Variants in AHCYL2 observed in about 807,000 individuals in gnomAD.
AHCYL2 encodes adenosylhomocysteinase like 2.
A neutral mutation model predicts 81.4 loss-of-function variants in AHCYL2; 28 were observed. That is an observed-to-expected ratio of 0.34 (90% confidence interval 0.25 to 0.47). AHCYL2 has a LOEUF of 0.47. AHCYL2 is among the 20% of genes least tolerant of loss of function. AHCYL2 has a pLI of 1.00. For missense variants in AHCYL2, 551 were observed against 785.1 expected (o/e 0.70, Z 3.56); for synonymous variants, 272 against 290.2 (o/e 0.94, Z 0.64).
intron 1 of AHCYL2, among the ~76,000 whole-genome samples, chr7:129,319,504 T>G (rs967877703): frequency 1.3e-5 from 2 of 151,842 alleles, no homozygotes; most frequent in Admixed American, 1.3e-4. Flanking sequence ...ATTAGGGGAA[T>G]GCACATAAAA....
chr7:129,234,267 T>C (rs977772090), intron 1 of AHCYL2, among the ~76,000 whole-genome samples: 15 of 151,960 alleles, frequency 9.9e-5, no homozygotes, highest in Non-Finnish European at 1.6e-4. Flanking sequence ...TCCCCCTAGA[T>C]GGAGCCTTAC....
chr7:129,243,624 C>G (rs948163476), intron 1 of AHCYL2, among the ~76,000 whole-genome samples: 1 of 152,038 alleles, frequency 6.6e-6, no homozygotes, highest in East Asian at 1.9e-4. Context: ...CTCTGTCGCC[C>G]AGGCTGGAGT....
chr7:129,309,539 C>G (rs1016140370), intron 1 of AHCYL2, among the ~76,000 whole-genome samples: 2 of 152,056 alleles, frequency 1.3e-5, no homozygotes, highest in Non-Finnish European at 2.9e-5. Flanking sequence ...GACCTTGTCT[C>G]AAAATAAATA....
intron 1 of AHCYL2, among the ~76,000 whole-genome samples, chr7:129,276,748 A>AAAG (rs1554473363): frequency 6.6e-5 from 10 of 151,320 alleles, no homozygotes; most frequent in South Asian, 6.3e-4. Context: ...AAAAAAAAAA[A>AAAG]AAAGAAAAAA....
intron 1 of AHCYL2, among the ~76,000 whole-genome samples, chr7:129,260,007 C>T (rs942196971): frequency 5.4e-5 from 8 of 149,232 alleles, no homozygotes; most frequent in South Asian, 2.1e-4. Flanking sequence ...ACCCAGGAGG[C>T]GAAGGTTGCA....
chr7:129,292,474 AATG>A (rs1280951908), intron 1 of AHCYL2, among the ~76,000 whole-genome samples: 1 of 152,186 alleles, frequency 6.6e-6, no homozygotes, highest in East Asian at 1.9e-4. Context: ...CAAGAATGAA[AATG>A]ATGTTAAGGC....
chr7:129,378,470 A>G (rs553595717), intron 1 of AHCYL2, among the ~76,000 whole-genome samples: 8 of 152,292 alleles, frequency 5.3e-5, no homozygotes, highest in East Asian at 3.9e-4. Flanking sequence ...CTATGTTTCA[A>G]TTTACACACA....
At chr7:129,308,291 C>T (rs1232827893) in intron 1 of AHCYL2, among the ~76,000 whole-genome samples, 2 of 152,154 alleles carry the variant, frequency 1.3e-5, no homozygotes, top group Non-Finnish European at 2.9e-5. Context: ...GGTGATTCCC[C>T]TCTGGCTAGG....
chr7:129,289,267 T>C (rs900639866), intron 1 of AHCYL2, among the ~76,000 whole-genome samples: 2 of 152,166 alleles, frequency 1.3e-5, no homozygotes, highest in Non-Finnish European at 2.9e-5. Flanking sequence ...TTTTTAAATT[T>C]TTTTTGTAGA....
intron 1 of AHCYL2, among the ~76,000 whole-genome samples, chr7:129,265,018 T>C (rs1399079749): frequency 1.3e-5 from 2 of 152,274 alleles, no homozygotes; most frequent in Non-Finnish European, 2.9e-5. Flanking sequence ...GAGTAAGTTA[T>C]ATACATGATT....
intron 11 of AHCYL2, among the ~76,000 whole-genome samples, chr7:129,411,848 T>G (rs1230023861): frequency 1.3e-5 from 2 of 152,244 alleles, no homozygotes; most frequent in African/African-American, 4.8e-5. Context: ...TCCTTTTTAT[T>G]GCTGAGTAAT....
chr7:129,296,007 G>GAT (rs1797038246), intron 1 of AHCYL2, among the ~76,000 whole-genome samples: 2 of 152,194 alleles, frequency 1.3e-5, no homozygotes, highest in African/African-American at 4.8e-5. Context: ...TAAATATATA[G>GAT]CTGGTTTTAG....
chr7:129,352,162 C>CT (rs1178580855), intron 1 of AHCYL2, among the ~76,000 whole-genome samples: 1 of 151,900 alleles, frequency 6.6e-6, no homozygotes, highest in African/African-American at 2.4e-5. Context: ...CACTAGGCTC[C>CT]TTTTTTTAAT....
chr7:129,275,635 T>G (rs1266474161), intron 1 of AHCYL2, among the ~76,000 whole-genome samples: 2 of 152,076 alleles, frequency 1.3e-5, no homozygotes, highest in East Asian at 1.9e-4. Context: ...AGAAAAAAAT[T>G]GTAAAGGAAG....
At chr7:129,389,384 T>TG (rs1554491891) in intron 3 of AHCYL2, among the ~76,000 whole-genome samples, 185 bp downstream of exon 3, 1 of 124,978 alleles carries the variant, frequency 8.0e-6, no homozygotes, top group East Asian at 2.3e-4. Context: ...AACCCTGTAT[T>TG]AAAAAAAAAA....
At chr7:129,240,629 G>A (rs1794818591) in intron 1 of AHCYL2, among the ~76,000 whole-genome samples, 1 of 151,838 alleles carries the variant, frequency 6.6e-6, no homozygotes, top group African/African-American at 2.4e-5. Context: ...GCATGCTTAG[G>A]TGGAAAGTCA....
At chr7:129,420,564 C>T (rs553051279) in intron 12 of AHCYL2, among the ~76,000 whole-genome samples, 28 of 150,258 alleles carry the variant, frequency 1.9e-4, no homozygotes, top group African/African-American at 6.1e-4. Context: ...ACTGCAGACT[C>T]GACTTCCTGG....
chr7:129,413,562 A>G (rs1005336663), intron 11 of AHCYL2, 32 bp from the exon 12 acceptor site: 4 of 1,517,414 alleles, frequency 2.6e-6, no homozygotes, highest in Non-Finnish European at 3.7e-6. Flanking sequence ...ATCTTTCTCC[A>G]CTGCTGCTCA....
chr7:129,268,312 C>T (rs1446094167), intron 1 of AHCYL2, among the ~76,000 whole-genome samples: 1 of 152,086 alleles, frequency 6.6e-6, no homozygotes, highest in Admixed American at 6.6e-5. Context: ...ACTTTGAAGG[C>T]AGCATTAGGG....
Sources: gnomAD v4.1 joint callset for allele counts (sites outside exome capture counted in the v4.1 genomes callset) on GRCh38, gnomAD v4.1.1 for gene constraint, MANE v1.5 for transcripts, NCBI Gene and HGNC (gene_info 2026-07-23, HGNC 2026-07-21) for gene names.